The following MCF2L2 variants were observed in gnomAD, a reference collection of about 807,000 sequenced individuals.
MCF2L2 encodes probable guanine nucleotide exchange factor MCF2L2.
A neutral mutation model predicts 150.2 loss-of-function variants in MCF2L2; 102 were observed. The ratio of observed to expected loss-of-function variants is 0.68; its 90% CI spans 0.58 to 0.80. The LOEUF is 0.80. Among genes scored for constraint, MCF2L2 ranks in the 30% least tolerant of loss-of-function variants. MCF2L2 has a pLI of 0.00. For synonymous variants in MCF2L2, 465 were observed against 491.3 expected (o/e 0.95, Z 0.71); for missense variants, 1,256 against 1,372.8 (o/e 0.91, Z 1.34).
chr3:183,249,827 T>C (rs1401860587), intron 15 of MCF2L2, among the ~76,000 whole-genome samples: 3 of 152,286 alleles, frequency 2.0e-5, no homozygotes, highest in East Asian at 1.9e-4. Context: ...GTTTGAATAA[T>C]TGATGAGTGT....
chr3:183,233,680 G>C (rs1295865291), intron 15 of MCF2L2, among the ~76,000 whole-genome samples: 1 of 152,140 alleles, frequency 6.6e-6, no homozygotes. Flanking sequence ...CTTTTGGAGA[G>C]TGGTACTGAA....
chr3:183,256,450 T>TA (rs1239634735), intron 15 of MCF2L2, among the ~76,000 whole-genome samples: 1 of 152,204 alleles, frequency 6.6e-6, no homozygotes, highest in African/African-American at 2.4e-5. Flanking sequence ...AAGATTTGAA[T>TA]AAAAAAGCGA....
chr3:183,214,910 G>A (rs1315883163), intron 22 of MCF2L2, among the ~76,000 whole-genome samples: 3 of 152,016 alleles, frequency 2.0e-5, no homozygotes, highest in African/African-American at 7.2e-5. Context: ...CAGGAGAATC[G>A]CTTGAACCTG....
intron 15 of MCF2L2, among the ~76,000 whole-genome samples, chr3:183,255,245 G>A (rs770462184): frequency 1.3e-5 from 2 of 152,192 alleles, no homozygotes; most frequent in Non-Finnish European, 2.9e-5. Context: ...TGGTGGCACC[G>A]AAATGATTCC....
rs148219068 is a variant in MCF2L2 at position 183,292,975 on chromosome 3, T to C, written c.1675+2325A>G. On this transcript the variant is annotated intron_variant, in intron 13 of 29. Transcript: ENST00000328913. ...AGGAATAAAAAGCACATGAGACATG[T>C]AGGATAACAAAACAGGAACTCTAAA... is the stretch of plus-strand genomic sequence containing the variant. Among the ~76,000 whole-genome samples the C allele has an allele frequency of 8.1e-3, 1,226 of 152,218 alleles. 15 individuals carry two copies. Among genetic ancestry groups the C allele is most frequent in the African/African-American group, 0.028 (1,171 of 41,540 alleles).
rs372912712 is a variant in MCF2L2, at chr3:183,341,587, G to A, written c.319C>T (p.Arg107Ter). 29 of 1,613,852 alleles carry A rather than the reference G, an allele frequency of 1.8e-5. No individual in the cohort carries two copies. The highest frequency in any genetic ancestry group is 2.5e-5 in the Non-Finnish European group (29 of 1,179,944). Residue 107 changes from arginine (R) to a stop codon, truncating the protein, a stop_gained, in exon 4 of 30, where the codon CGA becomes TGA. Transcript: ENST00000328913. LOFTEE classifies it high-confidence loss of function. ...TTTACGGAGCTCCACTTGTCTCTTC[G>A]TCTGTCGATAACAACAATGAATCCA... The part of the protein sequence containing the change: ...SIGFIVVIDR[R>*]RDKWSSVKAS...
chr3:183,395,735 A>G (rs1169790706), intron 1 of MCF2L2, among the ~76,000 whole-genome samples: 1 of 151,980 alleles, frequency 6.6e-6, no homozygotes, highest in Non-Finnish European at 1.5e-5. Flanking sequence ...CCTGGCCAAC[A>G]TGGTAGAACC....
chr3:183,409,057 G>A (rs545802698), intron 1 of MCF2L2, among the ~76,000 whole-genome samples: 1 of 152,262 alleles, frequency 6.6e-6, no homozygotes, highest in East Asian at 1.9e-4. Flanking sequence ...TCCTTAACAG[G>A]CTTATTATCC....
At chr3:183,397,798 A>G (rs565916912) in intron 1 of MCF2L2, among the ~76,000 whole-genome samples, 77 of 152,356 alleles carry the variant, frequency 5.1e-4, no homozygotes, top group African/African-American at 1.7e-3. Flanking sequence ...AGGTAATATT[A>G]ACACAAGTAC....
At chr3:183,395,850 G>A (rs890374564) in intron 1 of MCF2L2, among the ~76,000 whole-genome samples, 3 of 150,250 alleles carry the variant, frequency 2.0e-5, no homozygotes, top group South Asian at 4.2e-4. Flanking sequence ...CCTGGGAGGC[G>A]GAGGTTGCAG....
intron 15 of MCF2L2, among the ~76,000 whole-genome samples, chr3:183,255,687 G>A (rs1174655763): frequency 4.6e-5 from 7 of 151,992 alleles, no homozygotes; most frequent in African/African-American, 1.7e-4. Context: ...AACTCAGAAG[G>A]TGCAGAAGAG....
In MCF2L2 at chr3:183,181,196, T is replaced by C. The variant is rs1377109117; in HGVS notation, c.3017-1037A>G. On this transcript the variant is annotated intron_variant, in intron 27 of 29. Transcript: ENST00000328913. The surrounding 1 kb of genome is among the most constrained non-coding windows in gnomAD (Gnocchi z 4.3). ...GCGGCAGTGGAGGGAGCTGCAGTTATCTGGGTGAGCAGGCAGCACAAGTAG... is the reference window on the plus strand; with the variant it reads ...GCGGCAGTGGAGGGAGCTGCAGTTACCTGGGTGAGCAGGCAGCACAAGTAG... 1.3e-5 allele frequency among the ~76,000 whole-genome samples: 2 copies of C among 152,110 alleles called. No homozygotes were observed. The highest frequency in any genetic ancestry group is 2.9e-5 in the Non-Finnish European group (2 of 68,006).
chr3:183,428,093 T>G lies in MCF2L2; in HGVS notation c.-116A>C. ...GGATGCTCTGCCCTCGCCCTCTTCC[T>G]GGCTCTCCAGGCAAGAAACGAGAGT... On this transcript the variant is annotated 5_prime_UTR_variant, in exon 1 of 30. Coordinates refer to ENST00000328913, the MANE Select transcript of MCF2L2 (RefSeq NM_015078.4). This position sits in a 1 kb window ranked among gnomAD's most constrained non-coding sequence, Gnocchi z 5.1. The G allele has an allele frequency of 1.3e-6, 1 of 780,850 alleles. No homozygotes were observed. Among genetic ancestry groups the G allele is most frequent in the East Asian group, 2.5e-5 (1 of 39,602 alleles). The allele number at this position is 780,850 out of a possible 1,614,324, so 48.4% of individuals were successfully genotyped here.
rs66715877 is a variant in MCF2L2, at chr3:183,391,268, TG to T, written c.77-1490del. 3.3e-3 allele frequency among the ~76,000 whole-genome samples: 495 copies of T among 150,058 alleles called. 2 individuals are homozygous for T. The highest frequency in any genetic ancestry group is 7.2e-3 in the African/African-American group (294 of 41,064). On this transcript the variant is annotated intron_variant, in intron 1 of 29. Transcript: ENST00000328913. ...AATTTGCTTTCTAAAAGCCTTTTTT[TG>T]TTTTTTTCTGAAAGTCTTGTAAGGG...
At chr3:183,291,552 C>T (rs1728145300) in intron 13 of MCF2L2, among the ~76,000 whole-genome samples, 2 of 152,254 alleles carry the variant, frequency 1.3e-5, no homozygotes, top group South Asian at 4.1e-4. Context: ...ATCCAGCTAA[C>T]AAGAGTCAGA....
At chr3:183,300,714 C>T (rs996955888) in intron 10 of MCF2L2, among the ~76,000 whole-genome samples, 2 of 152,076 alleles carry the variant, frequency 1.3e-5, no homozygotes, top group African/African-American at 4.8e-5. Flanking sequence ...GGTCATGACA[C>T]TTAAGAAATA....
intron 15 of MCF2L2, among the ~76,000 whole-genome samples, chr3:183,274,604 G>A (rs1165819873): frequency 1.3e-5 from 2 of 152,166 alleles, no homozygotes; most frequent in African/African-American, 4.8e-5. Context: ...GTCGTGGTAG[G>A]AGTGTTTGTA....
intron 15 of MCF2L2, among the ~76,000 whole-genome samples, chr3:183,256,100 T>C (rs1316012709): frequency 6.6e-6 from 1 of 152,254 alleles, no homozygotes; most frequent in African/African-American, 2.4e-5. Flanking sequence ...GAATTTTATA[T>C]ATGCTGAAGT....
At chr3:183,249,510 C>T (rs1724416936) in intron 15 of MCF2L2, among the ~76,000 whole-genome samples, 1 of 152,184 alleles carries the variant, frequency 6.6e-6, no homozygotes, top group South Asian at 2.1e-4. Context: ...TTCCAGGAGG[C>T]CCCTCCCCCA....
Sources: gnomAD v4.1 joint callset for allele counts (sites outside exome capture counted in the v4.1 genomes callset) on GRCh38, gnomAD v4.1.1 for gene constraint, Gnocchi (gnomAD v3.1) non-coding constraint, MANE v1.5 for transcripts, NCBI Gene and HGNC (gene_info 2026-07-23, HGNC 2026-07-21) for gene names.